TNFSF13B: variants seen among roughly 807,000 people sequenced by gnomAD.
TNFSF13B encodes tumor necrosis factor ligand superfamily member 13B.
In TNFSF13B, 8 loss-of-function variants were observed where a neutral mutation model predicts 29.1. That is an observed-to-expected ratio of 0.27 (90% CI 0.16 to 0.50). TNFSF13B has a LOEUF of 0.50. Ranked by LOEUF, TNFSF13B falls within the 20% of genes least tolerant of loss-of-function variation. TNFSF13B has a pLI of 0.98. For synonymous variants in TNFSF13B, 125 were observed against 130.8 expected, an observed-to-expected ratio of 0.96 and a Z score of 0.30; for missense variants, 248 against 334.9, an observed-to-expected ratio of 0.74 and a Z score of 2.03.
At chr13:108,276,336 T>G (rs745342672) in intron 2 of TNFSF13B, among the ~76,000 whole-genome samples, 60 of 152,258 alleles carry the variant, frequency 3.9e-4, no homozygotes, top group Non-Finnish European at 7.3e-4. Flanking sequence ...GTGAGACTTT[T>G]CTTCAGTGTT....
intron 3 of TNFSF13B, among the ~76,000 whole-genome samples, chr13:108,290,191 T>C (rs1407293357): frequency 1.3e-5 from 2 of 152,300 alleles, no homozygotes; most frequent in African/African-American, 4.8e-5. Context: ...ACAATGTATA[T>C]TGCAGACATT....
chr13:108,296,558 A>G (rs941619003), intron 3 of TNFSF13B, among the ~76,000 whole-genome samples: 1 of 145,482 alleles, frequency 6.9e-6, no homozygotes, highest in African/African-American at 2.6e-5. Context: ...TAAAAAAATT[A>G]TTTTACCAAT....
intron 2 of TNFSF13B, among the ~76,000 whole-genome samples, chr13:108,273,225 T>C (rs1253445753): frequency 2.0e-5 from 3 of 152,094 alleles, no homozygotes; most frequent in Non-Finnish European, 4.4e-5. Context: ...TGGATACACT[T>C]ACAGGTGGAT....
At chr13:108,275,967 A>G (rs573199856) in intron 2 of TNFSF13B, among the ~76,000 whole-genome samples, 1 of 152,336 alleles carries the variant, frequency 6.6e-6, no homozygotes, top group Admixed American at 6.5e-5. Flanking sequence ...TTTCTATCGG[A>G]TAAACCTTTC....
intron 2 of TNFSF13B, among the ~76,000 whole-genome samples, chr13:108,271,264 C>T (rs1366102870): frequency 1.3e-5 from 2 of 152,138 alleles, no homozygotes; most frequent in East Asian, 1.9e-4. Flanking sequence ...ATTTTTTGAG[C>T]ACCTGGAACG....
intron 2 of TNFSF13B, among the ~76,000 whole-genome samples, chr13:108,280,574 A>G (rs1231279708): frequency 6.6e-6 from 1 of 152,238 alleles, no homozygotes; most frequent in African/African-American, 2.4e-5. Context: ...CCAAGAATAT[A>G]TTATTAATAA....
At position 108,270,348 on chromosome 13, in the gene TNFSF13B, A is replaced by G. The variant is rs1182569210; in HGVS notation, c.348A>G (p.Glu116=). 6.2e-7 allele frequency: 1 copy of G among 1,614,092 alleles called. No homozygotes were observed. The highest frequency in any genetic ancestry group is 1.1e-5 in the South Asian group (1 of 91,080). The change falls in exon 2 of 6, where the codon GAA becomes GAG. Residue 116 remains glutamate (E), a synonymous_variant. Coordinates refer to ENST00000375887, the MANE Select transcript of TNFSF13B (RefSeq NM_006573.5). Reference sequence around the variant, plus strand: ...AGTTTTTCTGTTCATAGATCTTTGAACCACCAGCTCCAGGAGAAGGCAACT... The same window carrying G: ...AGTTTTTCTGTTCATAGATCTTTGAGCCACCAGCTCCAGGAGAAGGCAACT... ...PAVTAGLKIF[E]PPAPGEGNSS...
In TNFSF13B at chr13:108,307,766, G is replaced by C. The variant is rs1881820595; in HGVS notation, c.*828G>C. ...ATATAACACATAATCTCCAACAGAA[G>C]TTACTGAATACATTCATACTAATGT... On this transcript the variant is annotated 3_prime_UTR_variant, in exon 6 of 6. Transcript: ENST00000375887. 6.6e-6 allele frequency: 1 copy of C among 151,982 alleles called. No homozygotes were observed. Among genetic ancestry groups the C allele is most frequent in the Admixed American group, 6.6e-5 (1 of 15,234 alleles). 9.4% of individuals were successfully genotyped at this position (151,982 alleles called of 1,614,324 possible).
rs1035973996 is a variant in TNFSF13B at position 108,303,742 on chromosome 13, T to C, written c.745+138T>C. ...GAAAGACATTCCTCAATATATTGTG[T>C]TTTTTAAATCTTGAATAATAAGCTA... is the stretch of plus-strand genomic sequence containing the variant. On this transcript the variant is annotated intron_variant, in intron 5 of 5. Transcript: ENST00000375887. The C allele has an allele frequency of 1.2e-5, 11 of 895,444 alleles. No individual in the cohort carries two copies. In the East Asian group the frequency reaches 2.5e-4, roughly 21 times the overall value. 55.5% of individuals were successfully genotyped at this position (895,444 alleles called of 1,614,324 possible). A position where few individuals can be genotyped will look rare whatever the true frequency, so the allele number is the denominator to read the frequency against.
In TNFSF13B at chr13:108,306,947, C is replaced by T. The variant is rs749121956; in HGVS notation, c.*9C>T. The T allele has an allele frequency of 6.1e-6, 9 of 1,472,476 alleles. No homozygotes were observed. In the East Asian group the frequency reaches 1.0e-4, roughly 17 times the overall value. 91.2% of individuals were successfully genotyped at this position (1,472,476 alleles called of 1,614,324 possible). On this transcript the variant is annotated 3_prime_UTR_variant, in exon 6 of 6. Coordinates refer to ENST00000375887, the MANE Select transcript of TNFSF13B (RefSeq NM_006573.5). Reference sequence around the variant, plus strand: ...CATTGAAACTGCTGTGACCTACTTACACCATGTCTGTAGCTATTTTCCTCC... The same window carrying T: ...CATTGAAACTGCTGTGACCTACTTATACCATGTCTGTAGCTATTTTCCTCC...
At chr13:108,301,707 G>A (rs902419327) in intron 3 of TNFSF13B, among the ~76,000 whole-genome samples, 6 of 152,052 alleles carry the variant, frequency 3.9e-5, no homozygotes, top group South Asian at 4.1e-4. Context: ...GGAGGAATAC[G>A]TTCAAGAGAT....
chr13:108,297,554 C>T (rs1881487058), intron 3 of TNFSF13B, among the ~76,000 whole-genome samples: 1 of 145,870 alleles, frequency 6.9e-6, no homozygotes, highest in Non-Finnish European at 1.5e-5. Context: ...TCTCTCTCTT[C>T]TCCTTCTGTA....
intron 2 of TNFSF13B, among the ~76,000 whole-genome samples, chr13:108,278,632 T>TTCTCTTCCTCCTCCTCCCC (rs1566399434): frequency 1.1e-4 from 1 of 8,856 alleles, no homozygotes; most frequent in Non-Finnish European, 2.3e-4. Context: ...TCCTCCTCCC[T>TTCTCTTCCTCCTCCTCCCC]TTCCTCCTCC....
At position 108,274,237 on chromosome 13, in the gene TNFSF13B, C is replaced by G. The variant is rs150639618; in HGVS notation, c.424+3813C>G. On this transcript the variant is annotated intron_variant, in intron 2 of 5. Transcript: ENST00000375887. ...GTTTTGACTGCATGGGGTCAGTGAC[C>G]CTAATTCCTGTGTTGTTCAAGGATC... Among the ~76,000 whole-genome samples, 160 of 151,674 alleles carry G rather than the reference C, an allele frequency of 1.1e-3. 2 individuals are homozygous for G. The East Asian group carries it at 0.024, about 23-fold the overall frequency.
At chr13:108,300,236 T>C (rs1208723618) in intron 3 of TNFSF13B, among the ~76,000 whole-genome samples, 1 of 152,192 alleles carries the variant, frequency 6.6e-6, no homozygotes, top group Non-Finnish European at 1.5e-5. Flanking sequence ...TTACAGTACA[T>C]TGCTATTTTG....
Position 108,269,826 on chromosome 13 carries a change from A to G in TNFSF13B, c.-70A>G. ...ACGCAGGACATCAACAAACACAGAT[A>G]ACAGGAAATGATCCATTCCCTGTGG... On this transcript the variant is annotated 5_prime_UTR_variant, in exon 1 of 6. It adds an upstream start codon to the 5' untranslated region. Transcript: ENST00000375887. 1 of 1,373,910 alleles carries G rather than the reference A, an allele frequency of 7.3e-7. No individual in the cohort carries two copies. Among genetic ancestry groups the G allele is most frequent in the Middle Eastern group, 1.9e-4 (1 of 5,368 alleles). 85.1% of individuals were successfully genotyped at this position (1,373,910 alleles called of 1,614,324 possible). A position where few individuals can be genotyped will look rare whatever the true frequency, so the allele number is the denominator to read the frequency against.
At chr13:108,270,511 A>T in intron 2 of TNFSF13B, 87 bp downstream of exon 2, 1 of 1,247,428 alleles carries the variant, frequency 8.0e-7, no homozygotes, top group African/African-American at 1.5e-5. Context: ...TATCCCCTCT[A>T]TGAACCTATT....
chr13:108,279,434 TG>T (rs1880868180), intron 2 of TNFSF13B, among the ~76,000 whole-genome samples: 1 of 152,196 alleles, frequency 6.6e-6, no homozygotes, highest in African/African-American at 2.4e-5. Flanking sequence ...GGAGTTCCAC[TG>T]GATAGAAGGT....
intron 2 of TNFSF13B, among the ~76,000 whole-genome samples, chr13:108,274,290 C>A (rs1011028043): frequency 1.3e-5 from 2 of 150,534 alleles, no homozygotes; most frequent in African/African-American, 4.9e-5. Flanking sequence ...TACATATGAA[C>A]AATACATATG....
Sources: gnomAD v4.1 joint callset for allele counts (sites outside exome capture counted in the v4.1 genomes callset) on GRCh38, gnomAD v4.1.1 for gene constraint, MANE v1.5 for transcripts, NCBI Gene and HGNC (gene_info 2026-07-23, HGNC 2026-07-21) for gene names.